DNAH7: variants seen among roughly 807,000 people sequenced by gnomAD.
DNAH7 encodes the protein axonemal beta dynein heavy chain 7.
Under a neutral mutation model 444.6 loss-of-function variants are expected in DNAH7, and 397 were observed. That is an observed-to-expected ratio of 0.89 (90% CI 0.82 to 0.97). The LOEUF (loss-of-function observed/expected upper bound fraction) is 0.97. Ranked by LOEUF, DNAH7 falls within the 50% of genes least tolerant of loss-of-function variation. DNAH7 has a pLI of 0.00. For missense variants in DNAH7, 4,902 were observed against 4,800.8 expected (o/e 1.02, Z -0.62); for synonymous variants, 1,636 against 1,624.4 (o/e 1.01, Z -0.17).
At chr2:195,963,365 T>C (rs1456623002) in intron 17 of DNAH7, among the ~76,000 whole-genome samples, 1 of 152,252 alleles carries the variant, frequency 6.6e-6, no homozygotes, top group Non-Finnish European at 1.5e-5. Context: ...TAATCAATGA[T>C]GTTGAACACC....
At chr2:195,887,109 G>A (rs1039194950) in intron 33 of DNAH7, among the ~76,000 whole-genome samples, 4 of 151,680 alleles carry the variant, frequency 2.6e-5, no homozygotes, top group Non-Finnish European at 4.4e-5. Context: ...GTAAATAACA[G>A]GCATTCCTAA....
intron 5 of DNAH7, among the ~76,000 whole-genome samples, chr2:196,040,151 T>G (rs929478976): frequency 6.6e-6 from 1 of 152,090 alleles, no homozygotes; most frequent in Non-Finnish European, 1.5e-5. Context: ...AATTTTAAAG[T>G]ACTAACACCA....
At chr2:195,906,872 T>C (rs1486373239) in intron 26 of DNAH7, 35 bp downstream of exon 26, 1 of 1,610,250 alleles carries the variant, frequency 6.2e-7, no homozygotes, top group Admixed American at 1.7e-5. Context: ...ATTTCTTTTA[T>C]TTTCACATAA....
Position 195,755,876 on chromosome 2 carries a change from C to T in DNAH7, c.11586+257G>A, listed in dbSNP as rs192081280. On this transcript the variant is annotated intron_variant, in intron 62 of 64. Coordinates refer to ENST00000312428, the MANE Select transcript of DNAH7 (RefSeq NM_018897.3). Reference sequence around the variant, plus strand: ...TTGACTGGCTTTCGAAAATGTTTTGCTGTAGGTATCTATTTTAATGTTAAA... The same window carrying T: ...TTGACTGGCTTTCGAAAATGTTTTGTTGTAGGTATCTATTTTAATGTTAAA... Among the ~76,000 whole-genome samples, 4 of 152,212 alleles carry T rather than the reference C, an allele frequency of 2.6e-5. No individual in the cohort carries two copies. The East Asian group carries it at 7.7e-4, about 29-fold the overall frequency.
At chr2:195,768,088 A>G (rs997226069) in intron 61 of DNAH7, among the ~76,000 whole-genome samples, 6 of 150,798 alleles carry the variant, frequency 4.0e-5, no homozygotes, top group African/African-American at 1.5e-4. Flanking sequence ...GTACACCTTA[A>G]AAGTATTAAG....
intron 19 of DNAH7, among the ~76,000 whole-genome samples, chr2:195,947,368 C>T (rs775895235): frequency 1.3e-5 from 2 of 151,938 alleles, no homozygotes; most frequent in South Asian, 2.1e-4. Flanking sequence ...TAGGTATACA[C>T]GTGCCATCGT....
chr2:195,806,878 G>A (rs778795219), intron 53 of DNAH7, 46 bp from the exon 54 acceptor site: 11 of 1,509,132 alleles, frequency 7.3e-6, no homozygotes, highest in African/African-American at 2.8e-5. Flanking sequence ...AGATTATAAA[G>A]AGAACAGTAT....
At chr2:196,009,416 T>C (rs748798669) in intron 10 of DNAH7, among the ~76,000 whole-genome samples, 3 of 152,212 alleles carry the variant, frequency 2.0e-5, no homozygotes, top group Non-Finnish European at 4.4e-5. Flanking sequence ...TAAAATTTCA[T>C]GCTTTCTTAC....
At chr2:195,972,683 A>G (rs949578389) in intron 15 of DNAH7, among the ~76,000 whole-genome samples, 2 of 152,232 alleles carry the variant, frequency 1.3e-5, no homozygotes, top group African/African-American at 4.8e-5. Flanking sequence ...AAAATGCTCA[A>G]CAACACATGG....
chr2:196,022,990 C>A (rs1048911449), intron 8 of DNAH7, among the ~76,000 whole-genome samples: 3 of 152,166 alleles, frequency 2.0e-5, no homozygotes, highest in African/African-American at 7.2e-5. Flanking sequence ...GATCCCAACA[C>A]CCAGGTGCCA....
At chr2:195,913,581 T>G (rs1001948681) in intron 24 of DNAH7, among the ~76,000 whole-genome samples, 7 of 152,206 alleles carry the variant, frequency 4.6e-5, no homozygotes, top group African/African-American at 1.7e-4. Flanking sequence ...TAAATATAAA[T>G]GTGTTATACT....
At chr2:195,875,040 T>C (rs1700968372) in intron 38 of DNAH7, among the ~76,000 whole-genome samples, 1 of 152,184 alleles carries the variant, frequency 6.6e-6, no homozygotes, top group Admixed American at 6.5e-5. Flanking sequence ...AAAGATTTCT[T>C]GTTAGTAATC....
In DNAH7 at chr2:195,806,773, C is replaced by T. The variant is rs373655060; in HGVS notation, c.10143G>A (p.Arg3381=). Reference sequence around the variant, plus strand: ...GCCTCAAGCAACGAATAATAAGCATCCTTTGAAACTCATTTGCTTTATCTT... The same window carrying T: ...GCCTCAAGCAACGAATAATAAGCATTCTTTGAAACTCATTTGCTTTATCTT... The part of the protein sequence containing the change: ...EWEDKANEFQ[R]MLIIRCLRPD... Residue 3381 remains arginine, a synonymous_variant, in exon 54 of 65, where the codon AGG becomes AGA. Transcript: ENST00000312428. 2 of 1,613,492 alleles carry T rather than the reference C, an allele frequency of 1.2e-6. No homozygotes were observed. The highest frequency in any genetic ancestry group is 2.7e-5 in the African/African-American group (2 of 74,896).
At chr2:195,878,065 T>C (rs1331707846) in intron 36 of DNAH7, among the ~76,000 whole-genome samples, 2 of 152,210 alleles carry the variant, frequency 1.3e-5, no homozygotes, top group Non-Finnish European at 2.9e-5. Flanking sequence ...TCTATTTATT[T>C]AAAGAAACAA....
chr2:195,771,740 G>A lies in DNAH7; in HGVS notation c.11353C>T (p.Leu3785Phe). ...TTYTQSMNTV[L>F]VQEMGRFNKL... ...TTGAACCGTCCCATCTCTTGGACAA[G>A]TACAGTGTTCATGCTCTGAGTATAA... The change falls in exon 61 of 65, where the codon CTT (leucine) becomes TTT (phenylalanine). Residue 3785 changes from leucine (L) to phenylalanine (F), a missense_variant. Leu to Phe is a conservative substitution (Grantham distance 22). Transcript: ENST00000312428. The A allele has an allele frequency of 5.0e-6, 8 of 1,614,118 alleles. No homozygotes were observed. The highest frequency in any genetic ancestry group is 1.7e-5 in the Admixed American group (1 of 60,018).
rs13385170 is a variant in DNAH7, at chr2:195,931,176, C to T, written c.3471+3415G>A. Among the ~76,000 whole-genome samples the T allele has an allele frequency of 8.4e-3, 1,275 of 152,238 alleles. 20 individuals carry two copies. Among genetic ancestry groups the T allele is most frequent in the African/African-American group, 0.029 (1,202 of 41,522 alleles). On this transcript the variant is annotated intron_variant, in intron 21 of 64. Coordinates refer to ENST00000312428, the MANE Select transcript of DNAH7 (RefSeq NM_018897.3). Reference sequence around the variant, plus strand: ...CAAACCTGCACATGTACCCCTGAATCTAAAAGTTGATATTTAAAAAAATAA... The same window carrying T: ...CAAACCTGCACATGTACCCCTGAATTTAAAAGTTGATATTTAAAAAAATAA...
intron 21 of DNAH7, among the ~76,000 whole-genome samples, chr2:195,930,320 G>A (rs1688608320): frequency 6.6e-6 from 1 of 151,906 alleles, no homozygotes; most frequent in South Asian, 2.1e-4. Context: ...CCAGCCTGGT[G>A]ACAGAGCGAG....
intron 21 of DNAH7, among the ~76,000 whole-genome samples, chr2:195,929,143 A>T (rs560586583): frequency 8.5e-5 from 13 of 152,320 alleles, no homozygotes; most frequent in African/African-American, 2.9e-4. Context: ...ACAAAAATAA[A>T]ATACCTAGGA....
chr2:196,033,308 G>A (rs936170110), intron 5 of DNAH7, among the ~76,000 whole-genome samples: 1 of 152,106 alleles, frequency 6.6e-6, no homozygotes, highest in African/African-American at 2.4e-5. Context: ...TTTGTGTGGA[G>A]AATTTATGAA....
Sources: allele counts gnomAD v4.1 joint callset (sites outside exome capture counted in the v4.1 genomes callset), GRCh38; gene constraint gnomAD v4.1.1; transcripts MANE v1.5; gene names NCBI Gene and HGNC (gene_info 2026-07-23, HGNC 2026-07-21).